CSNK1G1: variants seen among roughly 807,000 people sequenced by gnomAD.
CSNK1G1 encodes casein kinase I isoform gamma-1.
CSNK1G1 carries 22 observed loss-of-function variants against 59.6 expected under a neutral mutation model. The observed-to-expected ratio is 0.37, with a 90% CI of 0.26 to 0.53. CSNK1G1 has a LOEUF of 0.53. Among genes scored for constraint, CSNK1G1 ranks in the 20% least tolerant of loss-of-function variants. The pLI is 0.89. For synonymous variants in CSNK1G1, 179 were observed against 177.1 expected (o/e 1.01, Z -0.08); for missense variants, 384 against 519.5 (o/e 0.74, Z 2.54).
chr15:64,270,053 C>G (rs1436185150), intron 2 of CSNK1G1, among the ~76,000 whole-genome samples: 1 of 152,206 alleles, frequency 6.6e-6, no homozygotes, highest in Non-Finnish European at 1.5e-5. Flanking sequence ...AGTGATCCAC[C>G]CACCTTGGCC....
intron 4 of CSNK1G1, among the ~76,000 whole-genome samples, chr15:64,238,970 C>A (rs2082658205): frequency 6.6e-6 from 1 of 152,166 alleles, no homozygotes; most frequent in Non-Finnish European, 1.5e-5. Context: ...TATTAACAAC[C>A]TTCTGCCATC....
In CSNK1G1 at chr15:64,216,444, C is replaced by G; in HGVS notation, c.444+118G>C. On this transcript the variant is annotated intron_variant, in intron 5 of 11. Transcript: ENST00000303052. This position sits in a 1 kb window ranked among gnomAD's most constrained non-coding sequence, Gnocchi z 4.6. ...CCCAGCCAGCTTCCCAGAATGCCAT[C>G]AAGCCTGTGAGTACTAATTCTTGAT... The G allele has an allele frequency of 1.0e-6, 1 of 1,004,746 alleles. No homozygotes were observed. Among genetic ancestry groups the G allele is most frequent in the East Asian group, 2.6e-5 (1 of 38,806 alleles). The allele number at this position is 1,004,746 out of a possible 1,614,324, so 62.2% of individuals were successfully genotyped here.
intron 1 of CSNK1G1, among the ~76,000 whole-genome samples, chr15:64,303,567 T>C (rs1895484554): frequency 6.6e-6 from 1 of 151,186 alleles, no homozygotes. Flanking sequence ...GCCTGGCCAA[T>C]ATGACGAAAC....
At position 64,167,997 on chromosome 15, in the gene CSNK1G1, A is replaced by G. The variant is rs1029062594; in HGVS notation, c.*3934T>C. Reference sequence around the variant, plus strand: ...GTGGTTACTAGCACTGAAAATCAACACTGAATATGCACTACCAGCATATCT... The same window carrying G: ...GTGGTTACTAGCACTGAAAATCAACGCTGAATATGCACTACCAGCATATCT... On this transcript the variant is annotated 3_prime_UTR_variant, in exon 12 of 12. Coordinates refer to ENST00000303052, the MANE Select transcript of CSNK1G1 (RefSeq NM_022048.5). 1 of 152,264 alleles carries G rather than the reference A, an allele frequency of 6.6e-6. No individual in the cohort carries two copies. Among genetic ancestry groups the G allele is most frequent in the African/African-American group, 2.4e-5 (1 of 41,456 alleles). 9.4% of individuals were successfully genotyped at this position (152,264 alleles called of 1,614,324 possible).
chr15:64,180,147 G>A lies in CSNK1G1; in HGVS notation c.1214+201C>T, dbSNP rs547580720. The A allele has an allele frequency of 2.4e-4, 132 of 553,638 alleles. 1 individual carries two copies. In the South Asian group the frequency reaches 2.8e-3, roughly 12 times the overall value. The allele number at this position is 553,638 out of a possible 1,614,324, so 34.3% of individuals were successfully genotyped here. A position where few individuals can be genotyped will look rare whatever the true frequency, so the allele number is the denominator to read the frequency against. ...TCTTTTTCATGTGAACTAGAAAAAT[G>A]TGACTGTCTTCCCCGAAATCACAGC... is the stretch of plus-strand genomic sequence containing the variant. On this transcript the variant is annotated intron_variant, in intron 11 of 11. Transcript: ENST00000303052.
chr15:64,289,740 A>G (rs527913642), intron 2 of CSNK1G1, among the ~76,000 whole-genome samples: 1 of 152,322 alleles, frequency 6.6e-6, no homozygotes, highest in South Asian at 2.1e-4. Flanking sequence ...AATTGTAAGA[A>G]TTTACAAGGA....
intron 10 of CSNK1G1, among the ~76,000 whole-genome samples, chr15:64,202,373 G>T (rs949678938): frequency 6.6e-6 from 1 of 152,046 alleles, no homozygotes; most frequent in African/African-American, 2.4e-5. Flanking sequence ...GGTACATCCT[G>T]TCTGTGCGAC....
intron 4 of CSNK1G1, among the ~76,000 whole-genome samples, chr15:64,238,860 C>G (rs944407489): frequency 2.0e-5 from 3 of 151,944 alleles, no homozygotes; most frequent in African/African-American, 7.3e-5. Flanking sequence ...GCCTAGGATC[C>G]TAGTCTCACG....
At chr15:64,272,692 G>A (rs1893389485) in intron 2 of CSNK1G1, among the ~76,000 whole-genome samples, 1 of 152,052 alleles carries the variant, frequency 6.6e-6, no homozygotes, top group South Asian at 2.1e-4. Context: ...TGTATTAGCT[G>A]GTAGTAGTCT....
intron 2 of CSNK1G1, among the ~76,000 whole-genome samples, chr15:64,282,001 A>G (rs1894168104): frequency 6.6e-6 from 1 of 151,478 alleles, no homozygotes; most frequent in East Asian, 1.9e-4. Flanking sequence ...GGCTCAGCGC[A>G]GCCTCAACCT....
chr15:64,300,629 G>C lies in CSNK1G1; in HGVS notation c.-130C>G. The C allele has an allele frequency of 7.3e-7, 1 of 1,373,478 alleles. No homozygotes were observed. Among genetic ancestry groups the C allele is most frequent in the Non-Finnish European group, 9.5e-7 (1 of 1,057,806 alleles). 85.1% of individuals were successfully genotyped at this position (1,373,478 alleles called of 1,614,324 possible). A position where few individuals can be genotyped will look rare whatever the true frequency, so the allele number is the denominator to read the frequency against. ...AAGGAGTTCTTTTAGCACCATATTT[G>C]TTTGTAATGTATCTCCGGGAGATGA... On this transcript the variant is annotated 5_prime_UTR_variant, in exon 2 of 12. Transcript: ENST00000303052.
Position 64,168,549 on chromosome 15 carries a change from TAAGG to T in CSNK1G1, c.*3378_*3381del, listed in dbSNP as rs2081628923. On this transcript the variant is annotated 3_prime_UTR_variant, in exon 12 of 12. Transcript: ENST00000303052. ...TGGGAAAACTCCTAATGTATACTATTAAGGGTTTTTATGAATAGATGCTGAGTTA... is the reference window on the plus strand; with the variant it reads ...TGGGAAAACTCCTAATGTATACTATTGTTTTTATGAATAGATGCTGAGTTA... The T allele has an allele frequency of 6.6e-6, 1 of 152,232 alleles. No homozygotes were observed. The highest frequency in any genetic ancestry group is 2.1e-4 in the South Asian group (1 of 4,834). The allele number at this position is 152,232 out of a possible 1,614,324, so 9.4% of individuals were successfully genotyped here. A position where few individuals can be genotyped will look rare whatever the true frequency, so the allele number is the denominator to read the frequency against.
chr15:64,352,040 T>C (rs1211378960), intron 1 of CSNK1G1, among the ~76,000 whole-genome samples: 1 of 151,824 alleles, frequency 6.6e-6, no homozygotes, highest in African/African-American at 2.4e-5. Flanking sequence ...GGCAGGGCAG[T>C]TCACACCTGT....
intron 1 of CSNK1G1, among the ~76,000 whole-genome samples, chr15:64,310,492 G>T (rs959438468): frequency 6.6e-6 from 1 of 151,854 alleles, no homozygotes. Context: ...AAGACAGAAG[G>T]ACTGCTTGAG....
At chr15:64,354,880 A>G (rs1483494243) in intron 1 of CSNK1G1, among the ~76,000 whole-genome samples, 1 of 152,234 alleles carries the variant, frequency 6.6e-6, no homozygotes, top group African/African-American at 2.4e-5. Context: ...TATCTGCCTG[A>G]AAGTCAATAC....
chr15:64,355,399 A>T (rs1251954919), intron 1 of CSNK1G1, among the ~76,000 whole-genome samples: 1 of 152,118 alleles, frequency 6.6e-6, no homozygotes. Flanking sequence ...CACTTGGGGG[A>T]CATTGCTCCT....
At chr15:64,297,211 T>G (rs927762775) in intron 2 of CSNK1G1, among the ~76,000 whole-genome samples, 1 of 151,944 alleles carries the variant, frequency 6.6e-6, no homozygotes, top group Non-Finnish European at 1.5e-5. Context: ...ATGAATAAAA[T>G]AAAGCAGTTT....
intron 2 of CSNK1G1, among the ~76,000 whole-genome samples, chr15:64,280,357 A>C (rs946176857): frequency 6.6e-6 from 1 of 151,918 alleles, no homozygotes; most frequent in Non-Finnish European, 1.5e-5. Flanking sequence ...CCAGGGCAAA[A>C]TAGGTAGTCA....
chr15:64,275,981 T>C (rs903920057), intron 2 of CSNK1G1, among the ~76,000 whole-genome samples: 1 of 152,200 alleles, frequency 6.6e-6, no homozygotes, highest in African/African-American at 2.4e-5. Flanking sequence ...GCTGGACTAG[T>C]TTCTATATAA....
Sources: gnomAD v4.1 joint callset for allele counts (sites outside exome capture counted in the v4.1 genomes callset) on GRCh38, gnomAD v4.1.1 for gene constraint, Gnocchi (gnomAD v3.1) non-coding constraint, MANE v1.5 for transcripts, NCBI Gene and HGNC (gene_info 2026-07-23, HGNC 2026-07-21) for gene names.